Variants in PCDHGA1 observed in about 807,000 individuals in gnomAD.
The protein encoded by PCDHGA1 is protocadherin gamma-A1.
PCDHGA1 carries 32 observed loss-of-function variants against 58.0 expected under a neutral mutation model. That is an observed-to-expected ratio of 0.55 (90% CI 0.42 to 0.74). The LOEUF (loss-of-function observed/expected upper bound fraction) is 0.74, where lower values mean the gene tolerates loss of function less well. Among genes scored for constraint, PCDHGA1 ranks in the 30% least tolerant of loss-of-function variants. The pLI is 0.00. For missense variants in PCDHGA1, 1,205 were observed against 1,182.3 expected (o/e 1.02, Z -0.28); for synonymous variants, 498 against 501.1 (o/e 0.99, Z 0.08).
chr5:141,394,509 G>T lies in PCDHGA1; in HGVS notation c.2421+61404G>T, dbSNP rs367855808. 10 of 1,614,028 alleles carry T rather than the reference G, an allele frequency of 6.2e-6. No homozygotes were observed. The highest frequency in any genetic ancestry group is 7.6e-6 in the Non-Finnish European group (9 of 1,180,034). On this transcript the variant is annotated intron_variant, in intron 1 of 3. Transcript: ENST00000517417. ...CAACGCGCCCGAGATCCTGTACCCCGCCCTCCCCACAGACGGTTCCACTGG... is the reference window on the plus strand; with the variant it reads ...CAACGCGCCCGAGATCCTGTACCCCTCCCTCCCCACAGACGGTTCCACTGG...
At position 141,486,783 on chromosome 5, in the gene PCDHGA1, C is replaced by A. The variant is rs905423670; in HGVS notation, c.2422-8024C>A. ...CAGACACTGCAGTTTGAGGTGCAGG[C>A]CCGGGATCGGGGCAACCCACCCCTT... On this transcript the variant is annotated intron_variant, in intron 1 of 3. Transcript: ENST00000517417. The surrounding 1 kb of genome is among the most constrained non-coding windows in gnomAD (Gnocchi z 5.0). 6.2e-7 allele frequency: 1 copy of A among 1,614,102 alleles called. No homozygotes were observed.
At chr5:141,395,259 C>CT in intron 1 of PCDHGA1, 1 of 1,551,968 alleles carries the variant, frequency 6.4e-7, no homozygotes, top group Non-Finnish European at 8.7e-7. Flanking sequence ...TCTTTGCTTG[C>CT]TTTTAATTTC....
chr5:141,361,147 C>T, intron 1 of PCDHGA1: 2 of 1,613,956 alleles, frequency 1.2e-6, no homozygotes, highest in Non-Finnish European at 8.5e-7. Flanking sequence ...AGTTGAAATT[C>T]TTGATGACAA....
chr5:141,340,937 G>T, intron 1 of PCDHGA1: 1 of 1,613,692 alleles, frequency 6.2e-7, no homozygotes, highest in Non-Finnish European at 8.5e-7. Context: ...CCCTCTCTCC[G>T]CCACTGTCAC....
At chr5:141,403,136 C>G in intron 1 of PCDHGA1, 1 of 1,614,006 alleles carries the variant, frequency 6.2e-7, no homozygotes. Flanking sequence ...GCTGGCGGAG[C>G]GCCGAGTCCG....
At chr5:141,386,135 G>A (rs2090475678) in intron 1 of PCDHGA1, 1 of 152,130 alleles carries the variant, frequency 6.6e-6, no homozygotes, top group African/African-American at 2.4e-5. Context: ...GGGGATACTG[G>A]CTTTGTTTCA....
intron 1 of PCDHGA1, chr5:141,478,160 G>GC (rs764598056): frequency 3.7e-6 from 6 of 1,613,948 alleles, no homozygotes. Flanking sequence ...CTCTGGCTCT[G>GC]CCCCCCGGGA....
chr5:141,410,549 G>T, intron 1 of PCDHGA1: 1 of 1,613,438 alleles, frequency 6.2e-7, no homozygotes, highest in East Asian at 2.2e-5. Context: ...GGTTTGCAGT[G>T]TTTCTCCTGG....
chr5:141,508,269 C>T (rs1459186158), intron 3 of PCDHGA1: 1 of 152,186 alleles, frequency 6.6e-6, no homozygotes, highest in East Asian at 1.9e-4. Flanking sequence ...GAGAAAATCC[C>T]GGTCCTTGAC....
At chr5:141,409,769 G>T (rs1413636372) in intron 1 of PCDHGA1, 3 of 1,612,776 alleles carry the variant, frequency 1.9e-6, no homozygotes, top group Middle Eastern at 1.7e-4. Flanking sequence ...CTTTGATCAC[G>T]AGCAGCTGCG....
At chr5:141,466,054 G>A (rs2099115921) in intron 1 of PCDHGA1, among the ~76,000 whole-genome samples, 1 of 152,080 alleles carries the variant, frequency 6.6e-6, no homozygotes, top group Non-Finnish European at 1.5e-5. Context: ...CCCAGGAGAC[G>A]GAGCTTGCAG....
intron 1 of PCDHGA1, among the ~76,000 whole-genome samples, chr5:141,380,518 T>A (rs1166161347): frequency 2.6e-5 from 4 of 152,254 alleles, no homozygotes; most frequent in Non-Finnish European, 5.9e-5. Context: ...CTTTAAACTA[T>A]GAAATGATTT....
rs749044339 is a variant in PCDHGA1, at chr5:141,477,410, G to A, written c.2422-17397G>A. On this transcript the variant is annotated intron_variant, in intron 1 of 3. Coordinates refer to ENST00000517417, the MANE Select transcript of PCDHGA1 (RefSeq NM_018912.3). This position sits in a 1 kb window ranked among gnomAD's most constrained non-coding sequence, Gnocchi z 4.9. ...CAACCTCAGCATCACCGCCCGAGAC[G>A]CCGGAACCCCTTCCCTCTCAGCCCT... 66 of 1,613,988 alleles carry A rather than the reference G, an allele frequency of 4.1e-5. 1 individual carries two copies. The South Asian group carries it at 7.0e-4, about 17-fold the overall frequency.
chr5:141,467,554 T>A (rs2099145880), intron 1 of PCDHGA1, among the ~76,000 whole-genome samples: 1 of 152,238 alleles, frequency 6.6e-6, no homozygotes. Flanking sequence ...TATATCTTTT[T>A]TCCCAAATGG....
chr5:141,457,798 C>T (rs1233396158), intron 1 of PCDHGA1, among the ~76,000 whole-genome samples: 5 of 152,194 alleles, frequency 3.3e-5, no homozygotes, highest in African/African-American at 9.6e-5. Context: ...GTTATCCTCT[C>T]CTCTTGAGGT....
intron 1 of PCDHGA1, chr5:141,361,799 T>A (rs929369339): frequency 1.2e-6 from 2 of 1,613,184 alleles, no homozygotes; most frequent in Middle Eastern, 1.7e-4. Context: ...GTGGGCGACC[T>A]CAATGACAAT....
intron 1 of PCDHGA1, chr5:141,351,998 C>A: frequency 6.2e-7 from 1 of 1,610,868 alleles, no homozygotes; most frequent in Non-Finnish European, 8.5e-7. Flanking sequence ...CGCCGCAGAG[C>A]CCGGCTACCT....
At chr5:141,384,224 T>C (rs753746250) in intron 1 of PCDHGA1, 1 of 1,613,882 alleles carries the variant, frequency 6.2e-7, no homozygotes, top group Non-Finnish European at 8.5e-7. Flanking sequence ...TTCATGCAGG[T>C]GGCAGACACC....
chr5:141,351,540 C>G, intron 1 of PCDHGA1: 1 of 1,614,024 alleles, frequency 6.2e-7, no homozygotes, highest in Non-Finnish European at 8.5e-7. Context: ...GGCAAACCAG[C>G]CCTTTCCTCC....
Sources: allele counts gnomAD v4.1 joint callset (sites outside exome capture counted in the v4.1 genomes callset), GRCh38; gene constraint gnomAD v4.1.1; non-coding constraint Gnocchi (gnomAD v3.1); transcripts MANE v1.5; gene names NCBI Gene and HGNC (gene_info 2026-07-23, HGNC 2026-07-21).